PHACTR4: variants seen among roughly 807,000 people sequenced by gnomAD.
PHACTR4 encodes phosphatase and actin regulator 4.
In PHACTR4, 51 loss-of-function variants were observed where a neutral mutation model predicts 72.7. That is an observed-to-expected ratio of 0.70 (90% CI 0.56 to 0.89). The LOEUF is 0.89. Among genes scored for constraint, PHACTR4 ranks in the 40% least tolerant of loss-of-function variants. The pLI is 0.00. For missense variants in PHACTR4, 731 were observed against 861.8 expected, an observed-to-expected ratio of 0.85 and a Z score of 1.90; for synonymous variants, 255 against 302.5, an observed-to-expected ratio of 0.84 and a Z score of 1.63.
intron 8 of PHACTR4, among the ~76,000 whole-genome samples, chr1:28,476,772 CTTT>C (rs35369238): frequency 2.0e-5 from 2 of 98,432 alleles, no homozygotes; most frequent in Non-Finnish European, 3.9e-5. Context: ...CTAGCCTGTT[CTTT>C]TTTTTTTTTT....
rs191595254 is a variant in PHACTR4, at chr1:28,403,240, C to A, written c.-38-4170C>A. ...GCAGTATTTGGCCATAGGGAGAAGT[C>A]AAGTGGCAATAGAGATCCAACAGGA... On this transcript the variant is annotated intron_variant, in intron 1 of 13. Coordinates refer to ENST00000373839, the MANE Select transcript of PHACTR4 (RefSeq NM_001048183.3). 1.1e-3 allele frequency among the ~76,000 whole-genome samples: 162 copies of A among 152,300 alleles called. 1 individual carries two copies. The highest frequency in any genetic ancestry group is 8.7e-3 in the South Asian group (42 of 4,822).
chr1:28,419,885 C>T (rs564459695), intron 2 of PHACTR4, among the ~76,000 whole-genome samples: 1 of 152,288 alleles, frequency 6.6e-6, no homozygotes, highest in South Asian at 2.1e-4. Context: ...TGTCTAGTGA[C>T]AACCCATACA....
In PHACTR4 at chr1:28,380,545, C is replaced by A. The variant is rs144085046; in HGVS notation, c.-39+10720C>A. On this transcript the variant is annotated intron_variant, in intron 1 of 13. Transcript: ENST00000373839. ...CCAATAGGCACCAGTGAGTGTTGTT[C>A]CCCTCTGTGTCCATGTGTTCTCATC... is the stretch of plus-strand genomic sequence containing the variant. 8.6e-3 allele frequency among the ~76,000 whole-genome samples: 1,303 copies of A among 152,260 alleles called. 10 individuals carry two copies. Among genetic ancestry groups the A allele is most frequent in the Middle Eastern group, 0.02 (6 of 294 alleles).
chr1:28,440,665 A>G (rs369520097), intron 2 of PHACTR4, among the ~76,000 whole-genome samples: 2 of 152,068 alleles, frequency 1.3e-5, no homozygotes, highest in East Asian at 3.9e-4. Flanking sequence ...TTACCTAGAT[A>G]ATAAGTAGTT....
At chr1:28,449,415 A>G (rs923347905) in intron 2 of PHACTR4, among the ~76,000 whole-genome samples, 1 of 152,198 alleles carries the variant, frequency 6.6e-6, no homozygotes, top group African/African-American at 2.4e-5. Context: ...GACCTAGGGC[A>G]TATTGTTTAA....
chr1:28,468,328 T>C (rs1319326855), intron 6 of PHACTR4, among the ~76,000 whole-genome samples: 1 of 152,160 alleles, frequency 6.6e-6, no homozygotes, highest in East Asian at 1.9e-4. Flanking sequence ...CAGTGGCTCA[T>C]GCCTGTAATC....
At chr1:28,483,594 G>A (rs557770644) in intron 9 of PHACTR4, among the ~76,000 whole-genome samples, 1 of 152,120 alleles carries the variant, frequency 6.6e-6, no homozygotes, top group East Asian at 1.9e-4. Flanking sequence ...GAGGTCAGGA[G>A]ATCAAGGCCA....
At chr1:28,478,992 G>C (rs1660097340) in intron 8 of PHACTR4, among the ~76,000 whole-genome samples, 1 of 151,894 alleles carries the variant, frequency 6.6e-6, no homozygotes, top group African/African-American at 2.4e-5. Context: ...GTTTTTGTTT[G>C]CCCCCAATTT....
chr1:28,491,493 CA>C (rs1364387659), intron 11 of PHACTR4, among the ~76,000 whole-genome samples, 156 bp from the exon 12 acceptor site: 1 of 151,856 alleles, frequency 6.6e-6, no homozygotes, highest in Non-Finnish European at 1.5e-5. Flanking sequence ...ACCTGATAAC[CA>C]TAATCACTGG....
intron 7 of PHACTR4, among the ~76,000 whole-genome samples, chr1:28,474,413 A>G (rs542623140): frequency 2.6e-5 from 4 of 151,762 alleles, no homozygotes; most frequent in African/African-American, 9.6e-5. Context: ...AATCCCAGCT[A>G]CTCGGGAGGC....
intron 2 of PHACTR4, among the ~76,000 whole-genome samples, chr1:28,420,695 A>G (rs914383690): frequency 4.6e-5 from 7 of 152,224 alleles, no homozygotes; most frequent in African/African-American, 1.2e-4. Context: ...TACAATAACA[A>G]CCCAAATTAT....
At position 28,499,113 on chromosome 1, in the gene PHACTR4, C is replaced by A. The variant is rs1480486582; in HGVS notation, c.*2564C>A. On this transcript the variant is annotated 3_prime_UTR_variant, in exon 14 of 14. Transcript: ENST00000373839. ...GAAGGAAGGAAAGCAAGCCCTGAAT[C>A]CACATCTCCTTGAAGTTTTTTTTGT... is the stretch of plus-strand genomic sequence containing the variant. 6.6e-6 allele frequency: 1 copy of A among 150,764 alleles called. No homozygotes were observed. The highest frequency in any genetic ancestry group is 2.4e-5 in the African/African-American group (1 of 41,038). 9.3% of individuals were successfully genotyped at this position (150,764 alleles called of 1,614,324 possible).
At position 28,460,236 on chromosome 1, in the gene PHACTR4, G is replaced by A. The variant is rs1194632729; in HGVS notation, c.215G>A (p.Arg72Gln). The change falls in exon 4 of 14, where the codon CGA becomes CAA. Residue 72 changes from arginine (R) to glutamine (Q), a missense_variant. By Grantham distance (43) the Arg-to-Gln change is conservative. This residue lies in a region of PHACTR4 where 621 missense variants were observed against 676.6 expected (regional missense o/e 0.92). Transcript: ENST00000373839. ...GTTTTAGAACGGAAAATATCTATGC[G>A]AAAGCCAAGAGAAGAGCTGGTTAAA... ...SEVLERKISM[R>Q]KPREELVKRG... is the part of the protein sequence containing the mutation. The A allele has an allele frequency of 6.2e-6, 10 of 1,613,424 alleles. No individual in the cohort carries two copies. The highest frequency in any genetic ancestry group is 2.2e-5 in the South Asian group (2 of 90,952).
intron 1 of PHACTR4, among the ~76,000 whole-genome samples, chr1:28,376,659 C>T (rs1325047391): frequency 2.0e-5 from 3 of 147,804 alleles, no homozygotes; most frequent in African/African-American, 5.0e-5. Context: ...TTTTTTGAGA[C>T]GGAGTCTTGC....
intron 1 of PHACTR4, among the ~76,000 whole-genome samples, chr1:28,399,408 T>C (rs1425604602): frequency 6.6e-6 from 1 of 152,238 alleles, no homozygotes; most frequent in African/African-American, 2.4e-5. Context: ...TTAAGTGATA[T>C]GGCATGATTT....
At chr1:28,377,090 C>T (rs1224732679) in intron 1 of PHACTR4, among the ~76,000 whole-genome samples, 14 of 151,906 alleles carry the variant, frequency 9.2e-5, no homozygotes, top group African/African-American at 1.9e-4. Flanking sequence ...CCACCATGCC[C>T]GGCTAAATTT....
chr1:28,469,559 T>G (rs1045902517), intron 6 of PHACTR4, among the ~76,000 whole-genome samples: 3 of 152,194 alleles, frequency 2.0e-5, no homozygotes, highest in Non-Finnish European at 4.4e-5. Context: ...AGAATTTATT[T>G]TATTAATTCA....
chr1:28,460,605 T>A (rs1029519997), intron 4 of PHACTR4, among the ~76,000 whole-genome samples: 2 of 151,918 alleles, frequency 1.3e-5, no homozygotes, highest in African/African-American at 4.8e-5. Flanking sequence ...GCCTCCTGGG[T>A]TCAAGCAATT....
chr1:28,424,829 T>C (rs1341074107), intron 2 of PHACTR4, among the ~76,000 whole-genome samples: 1 of 151,810 alleles, frequency 6.6e-6, no homozygotes, highest in Non-Finnish European at 1.5e-5. Flanking sequence ...AGTCGTGTTC[T>C]GTCGCCCAGC....
Sources: gnomAD v4.1 joint callset for allele counts (sites outside exome capture counted in the v4.1 genomes callset) on GRCh38, gnomAD v4.1.1 for gene constraint, gnomAD v4.1.1 regional missense constraint, MANE v1.5 for transcripts, NCBI Gene and HGNC (gene_info 2026-07-23, HGNC 2026-07-21) for gene names.